The following SH3PXD2A variants were observed in gnomAD, a reference collection of about 807,000 sequenced individuals.
SH3PXD2A encodes the protein SH3 and PX domain-containing protein 2A.
Under a neutral mutation model 115.2 loss-of-function variants are expected in SH3PXD2A, and 32 were observed. That is an observed-to-expected ratio of 0.28 (90% confidence interval 0.21 to 0.37). The LOEUF is 0.37. Ranked by LOEUF, SH3PXD2A falls within the 10% of genes least tolerant of loss-of-function variation. The pLI is 1.00. For missense variants in SH3PXD2A, 1,328 were observed against 1,498.7 expected (o/e 0.89, Z 1.88); for synonymous variants, 610 against 629.1 (o/e 0.97, Z 0.45).
chr10:103,702,518 C>T (rs2037927212), intron 5 of SH3PXD2A, among the ~76,000 whole-genome samples: 1 of 151,614 alleles, frequency 6.6e-6, no homozygotes, highest in African/African-American at 2.4e-5. Context: ...AGAGCAGAAG[C>T]AGGAAGGAGA....
intron 1 of SH3PXD2A, among the ~76,000 whole-genome samples, chr10:103,808,294 C>T (rs973018885): frequency 1.3e-5 from 2 of 151,796 alleles, no homozygotes; most frequent in Admixed American, 6.6e-5. Context: ...CTCTGTCACC[C>T]GGGGTGGAGT....
At position 103,639,069 on chromosome 10, in the gene SH3PXD2A, C is replaced by T. The variant is rs372812306; in HGVS notation, c.605-11867G>A. On this transcript the variant is annotated intron_variant, in intron 8 of 14. Coordinates refer to ENST00000369774, the MANE Select transcript of SH3PXD2A (RefSeq NM_001394015.1). ...CAGAGCAGTGGATGGATGAGAAGGGCGGCTGCTTGCAGGGGGACTTGGCAC... is the reference window on the plus strand; with the variant it reads ...CAGAGCAGTGGATGGATGAGAAGGGTGGCTGCTTGCAGGGGGACTTGGCAC... Among the ~76,000 whole-genome samples, 5 of 152,146 alleles carry T rather than the reference C, an allele frequency of 3.3e-5. No individual in the cohort carries two copies. The East Asian group carries it at 5.8e-4, about 18-fold the overall frequency.
chr10:103,650,473 A>G lies in SH3PXD2A; in HGVS notation c.604+10510T>C, dbSNP rs368461744. 6.6e-5 allele frequency among the ~76,000 whole-genome samples: 10 copies of G among 152,176 alleles called. No individual in the cohort carries two copies. In the East Asian group the frequency reaches 1.5e-3, roughly 23 times the overall value. On this transcript the variant is annotated intron_variant, in intron 8 of 14. Transcript: ENST00000369774. Reference sequence around the variant, plus strand: ...TTCAAAGCCCTTGACCAGTTCCTCCAGCTTCTCTCAGGCAGCCCCCAGGCA... The same window carrying G: ...TTCAAAGCCCTTGACCAGTTCCTCCGGCTTCTCTCAGGCAGCCCCCAGGCA...
chr10:103,739,649 C>A (rs1159668804), intron 3 of SH3PXD2A, among the ~76,000 whole-genome samples: 2 of 152,210 alleles, frequency 1.3e-5, no homozygotes, highest in Non-Finnish European at 2.9e-5. Context: ...TATAGTGCAG[C>A]CCGTTGACGG....
At chr10:103,644,467 G>A (rs1409246380) in intron 8 of SH3PXD2A, among the ~76,000 whole-genome samples, 16 of 151,616 alleles carry the variant, frequency 1.1e-4, no homozygotes. Flanking sequence ...CGCACCTGTG[G>A]TCCCAGCTAC....
intron 2 of SH3PXD2A, among the ~76,000 whole-genome samples, chr10:103,768,630 C>T (rs564044732): frequency 8.5e-5 from 13 of 152,232 alleles, no homozygotes; most frequent in African/African-American, 2.2e-4. Context: ...TTAGAAAAGA[C>T]GGCTCTAGCT....
chr10:103,795,652 T>A (rs1182085937), intron 2 of SH3PXD2A, among the ~76,000 whole-genome samples: 3 of 152,180 alleles, frequency 2.0e-5, no homozygotes, highest in Non-Finnish European at 4.4e-5. Flanking sequence ...CTATAATATG[T>A]CTATGGCACC....
chr10:103,654,447 C>T (rs767513068), intron 8 of SH3PXD2A, among the ~76,000 whole-genome samples: 5 of 152,146 alleles, frequency 3.3e-5, no homozygotes, highest in Non-Finnish European at 5.9e-5. Flanking sequence ...GAGAAACTGG[C>T]CCCCTGCAGG....
intron 2 of SH3PXD2A, among the ~76,000 whole-genome samples, chr10:103,776,158 A>C (rs1431089176): frequency 6.6e-6 from 1 of 152,194 alleles, no homozygotes; most frequent in Non-Finnish European, 1.5e-5. Flanking sequence ...AGGCCAAGGC[A>C]GGAGGATTGC....
rs201136635 is a variant in SH3PXD2A, at chr10:103,692,981, G to T, written c.427+47C>A. ...TGCAGGATCGGAGGGGCGCGTGCACGAAGCGGGAAGGAAGGCTGAAGGGAA... is the reference window on the plus strand; with the variant it reads ...TGCAGGATCGGAGGGGCGCGTGCACTAAGCGGGAAGGAAGGCTGAAGGGAA... On this transcript the variant is annotated intron_variant, in intron 6 of 14. Coordinates refer to ENST00000369774, the MANE Select transcript of SH3PXD2A (RefSeq NM_001394015.1). 22 of 1,373,088 alleles carry T rather than the reference G, an allele frequency of 1.6e-5. 1 individual carries two copies. The South Asian group carries it at 2.1e-4, about 13-fold the overall frequency. The allele number at this position is 1,373,088 out of a possible 1,614,324, so 85.1% of individuals were successfully genotyped here. A position where few individuals can be genotyped will look rare whatever the true frequency, so the allele number is the denominator to read the frequency against.
At chr10:103,633,627 C>T (rs1312181398) in intron 8 of SH3PXD2A, among the ~76,000 whole-genome samples, 1 of 142,954 alleles carries the variant, frequency 7.0e-6, no homozygotes, top group African/African-American at 2.6e-5. Context: ...ACTTGGGAGG[C>T]TGAGGCATGA....
chr10:103,837,675 T>C (rs2039559215), intron 1 of SH3PXD2A, among the ~76,000 whole-genome samples: 1 of 152,120 alleles, frequency 6.6e-6, no homozygotes, highest in Admixed American at 6.5e-5. Context: ...CCCACCATAT[T>C]TCCAGGAGTC....
rs554633327 is a variant in SH3PXD2A, at chr10:103,760,130, G to A, written c.229+6964C>T. Reference sequence around the variant, plus strand: ...ATAGTGTCCATCTTGGGAGCAAAAGGGCAGGTTTGCTTACCATCCATTATA... The same window carrying A: ...ATAGTGTCCATCTTGGGAGCAAAAGAGCAGGTTTGCTTACCATCCATTATA... On this transcript the variant is annotated intron_variant, in intron 3 of 14. Transcript: ENST00000369774. Among the ~76,000 whole-genome samples, 4 of 152,276 alleles carry A rather than the reference G, an allele frequency of 2.6e-5. No homozygotes were observed. In the South Asian group the frequency reaches 8.3e-4, roughly 32 times the overall value.
At chr10:103,730,853 G>C (rs2038307707) in intron 4 of SH3PXD2A, among the ~76,000 whole-genome samples, 1 of 152,174 alleles carries the variant, frequency 6.6e-6, no homozygotes, top group African/African-American at 2.4e-5. Context: ...ACAGAGTCGG[G>C]GTGGGCGCAG....
At chr10:103,719,342 A>G (rs1287256426) in intron 5 of SH3PXD2A, among the ~76,000 whole-genome samples, 1 of 152,250 alleles carries the variant, frequency 6.6e-6, no homozygotes, top group African/African-American at 2.4e-5. Flanking sequence ...GTCTGGGGCC[A>G]GCCAGCCTGG....
rs539827148 is a variant in SH3PXD2A at position 103,731,773 on chromosome 10, A to G, written c.306+3959T>C. On this transcript the variant is annotated intron_variant, in intron 4 of 14. Coordinates refer to ENST00000369774, the MANE Select transcript of SH3PXD2A (RefSeq NM_001394015.1). The stretch of plus-strand genomic sequence containing the variant: ...GGAAAATCCCACAGTGGAAGGGAGA[A>G]TACCTGGGACTAGGAACCACTGCCA... Among the ~76,000 whole-genome samples, 8 of 152,336 alleles carry G rather than the reference A, an allele frequency of 5.3e-5. No homozygotes were observed. In the East Asian group the frequency reaches 1.5e-3, roughly 29 times the overall value.
intron 3 of SH3PXD2A, among the ~76,000 whole-genome samples, chr10:103,750,834 A>T (rs944811550): frequency 6.6e-6 from 1 of 152,202 alleles, no homozygotes; most frequent in African/African-American, 2.4e-5. Flanking sequence ...GCAAAATGCG[A>T]CACAGCCAAT....
At chr10:103,794,307 G>A (rs1236225843) in intron 2 of SH3PXD2A, among the ~76,000 whole-genome samples, 4 of 152,138 alleles carry the variant, frequency 2.6e-5, no homozygotes, top group East Asian at 1.9e-4. Context: ...TCTTCCAAGC[G>A]GTGCAGGGGA....
At chr10:103,722,790 A>G (rs2038198179) in intron 5 of SH3PXD2A, among the ~76,000 whole-genome samples, 2 of 152,108 alleles carry the variant, frequency 1.3e-5, no homozygotes, top group African/African-American at 4.8e-5. Context: ...TTTGCATCCT[A>G]TACCCTGTGG....
Sources: allele counts gnomAD v4.1 joint callset (sites outside exome capture counted in the v4.1 genomes callset), GRCh38; gene constraint gnomAD v4.1.1; transcripts MANE v1.5; gene names NCBI Gene and HGNC (gene_info 2026-07-23, HGNC 2026-07-21).